GULP1: variants seen among roughly 807,000 people sequenced by gnomAD.
The protein encoded by GULP1 is PTB domain-containing engulfment adapter protein 1.
GULP1 carries 19 observed loss-of-function variants against 40.9 expected under a neutral mutation model. The ratio of observed to expected loss-of-function variants is 0.46; its 90% CI spans 0.32 to 0.68. GULP1 has a LOEUF of 0.68. Ranked by LOEUF, GULP1 falls within the 30% of genes least tolerant of loss-of-function variation. The pLI, the probability that GULP1 is intolerant of heterozygous loss-of-function variation, is 0.03. For missense variants in GULP1, 312 were observed against 362.2 expected (o/e 0.86, Z 1.12); for synonymous variants, 119 against 117.6 (o/e 1.01, Z -0.08).
intron 1 of GULP1, among the ~76,000 whole-genome samples, chr2:188,341,117 G>T (rs1310480044): frequency 6.6e-6 from 1 of 152,104 alleles, no homozygotes; most frequent in Admixed American, 6.5e-5. Flanking sequence ...GGCTTGAGAG[G>T]TGGGGCTTCA....
intron 7 of GULP1, 36 bp downstream of exon 7, chr2:188,541,354 GT>G: frequency 6.3e-7 from 1 of 1,586,162 alleles, no homozygotes; most frequent in Non-Finnish European, 8.7e-7. Flanking sequence ...GGTTTGTTCT[GT>G]TTTATAAGCC....
intron 2 of GULP1, among the ~76,000 whole-genome samples, chr2:188,398,063 G>GT (rs2051542238): frequency 1.3e-5 from 2 of 152,168 alleles, no homozygotes; most frequent in South Asian, 2.1e-4. Context: ...TGGATGAACT[G>GT]TAAGTCCAAA....
intron 2 of GULP1, among the ~76,000 whole-genome samples, chr2:188,438,628 CTA>C (rs1264565895): frequency 2.0e-5 from 3 of 151,144 alleles, no homozygotes; most frequent in Admixed American, 6.6e-5. Context: ...TGTTCTCCTG[CTA>C]TATATGTTAT....
intron 7 of GULP1, among the ~76,000 whole-genome samples, chr2:188,555,935 G>A (rs1298036893): frequency 6.6e-6 from 1 of 151,872 alleles, no homozygotes; most frequent in Non-Finnish European, 1.5e-5. Flanking sequence ...GCACACACCT[G>A]TAATCCCAGC....
chr2:188,351,479 C>T (rs1004818227), intron 1 of GULP1, among the ~76,000 whole-genome samples: 1 of 152,014 alleles, frequency 6.6e-6, no homozygotes, highest in Admixed American at 6.6e-5. Flanking sequence ...AATTTCAAGT[C>T]GCCTACCATT....
chr2:188,557,938 G>A (rs1056003181), intron 7 of GULP1, among the ~76,000 whole-genome samples: 2 of 152,150 alleles, frequency 1.3e-5, no homozygotes, highest in Admixed American at 6.5e-5. Context: ...TTGTGAAGCT[G>A]TTCAGGGCAG....
At chr2:188,501,541 G>A (rs2063434264) in intron 4 of GULP1, among the ~76,000 whole-genome samples, 1 of 151,938 alleles carries the variant, frequency 6.6e-6, no homozygotes, top group Non-Finnish European at 1.5e-5. Flanking sequence ...AGTACAGATG[G>A]CATGATTTTA....
chr2:188,492,035 A>G (rs2062442552), intron 4 of GULP1, among the ~76,000 whole-genome samples: 2 of 151,928 alleles, frequency 1.3e-5, no homozygotes, highest in African/African-American at 4.8e-5. Context: ...GTAAACATAG[A>G]CTCCAGATAG....
At chr2:188,542,539 G>A (rs989935621) in intron 7 of GULP1, among the ~76,000 whole-genome samples, 1 of 151,952 alleles carries the variant, frequency 6.6e-6, no homozygotes, top group Non-Finnish European at 1.5e-5. Context: ...TTAAACTGTA[G>A]TTCTCTAGAA....
At chr2:188,303,491 A>G (rs2036501630) in intron 1 of GULP1, among the ~76,000 whole-genome samples, 1 of 152,164 alleles carries the variant, frequency 6.6e-6, no homozygotes, top group African/African-American at 2.4e-5. Context: ...TGGGCAGTGC[A>G]CTTGAAGAGA....
chr2:188,406,585 A>G (rs891120851), intron 2 of GULP1, among the ~76,000 whole-genome samples: 2 of 152,176 alleles, frequency 1.3e-5, no homozygotes, highest in African/African-American at 4.8e-5. Flanking sequence ...AAAAAATGCA[A>G]TAGAGAGTGT....
At chr2:188,402,607 C>T (rs1340757417) in intron 2 of GULP1, among the ~76,000 whole-genome samples, 1 of 151,788 alleles carries the variant, frequency 6.6e-6, no homozygotes, top group Non-Finnish European at 1.5e-5. Flanking sequence ...TACTTATATC[C>T]TTTAATTAGA....
At chr2:188,327,194 G>T (rs1574438167) in intron 1 of GULP1, among the ~76,000 whole-genome samples, 2 of 152,280 alleles carry the variant, frequency 1.3e-5, no homozygotes, top group East Asian at 3.9e-4. Context: ...GTGAAGGCAA[G>T]ATGCCTACTG....
chr2:188,429,178 G>A (rs2056571884), intron 2 of GULP1, among the ~76,000 whole-genome samples: 1 of 151,994 alleles, frequency 6.6e-6, no homozygotes, highest in Admixed American at 6.6e-5. Flanking sequence ...CTTGAATTTG[G>A]TGTCAGATAC....
intron 2 of GULP1, among the ~76,000 whole-genome samples, chr2:188,461,895 C>CT (rs566180229): frequency 1.1e-4 from 17 of 151,984 alleles, no homozygotes; most frequent in Admixed American, 3.9e-4. Flanking sequence ...TCTTTCATTG[C>CT]TTTTTTATAG....
chr2:188,317,897 A>G (rs542460279), intron 1 of GULP1, among the ~76,000 whole-genome samples: 27 of 152,102 alleles, frequency 1.8e-4, no homozygotes, highest in African/African-American at 6.5e-4. Context: ...CCATAAGTAG[A>G]TTGATTTTAT....
intron 4 of GULP1, among the ~76,000 whole-genome samples, chr2:188,485,923 A>G (rs1485230588): frequency 2.6e-5 from 4 of 152,020 alleles, no homozygotes; most frequent in Non-Finnish European, 5.9e-5. Context: ...ATCTTTACAT[A>G]AAGTGAACTG....
chr2:188,559,398 T>G (rs1695658712), intron 7 of GULP1, among the ~76,000 whole-genome samples: 1 of 152,144 alleles, frequency 6.6e-6, no homozygotes, highest in South Asian at 2.1e-4. Context: ...AGAAGATGTA[T>G]GGAAACTCCT....
At chr2:188,577,753 A>C (rs1000115190) in intron 9 of GULP1, among the ~76,000 whole-genome samples, 12 of 152,206 alleles carry the variant, frequency 7.9e-5, no homozygotes, top group Non-Finnish European at 1.8e-4. Context: ...AATCTGAAAA[A>C]ACACAGATCT....
Sources: allele counts gnomAD v4.1 joint callset (sites outside exome capture counted in the v4.1 genomes callset), GRCh38; gene constraint gnomAD v4.1.1; transcripts MANE v1.5; gene names NCBI Gene and HGNC (gene_info 2026-07-23, HGNC 2026-07-21).